Variants in MYCBPAP observed in about 807,000 individuals in gnomAD.
The protein encoded by MYCBPAP is MYCBP-associated protein.
Under a neutral mutation model 106.1 loss-of-function variants are expected in MYCBPAP, and 60 were observed. The ratio of observed to expected loss-of-function variants is 0.57; its 90% CI spans 0.46 to 0.70. MYCBPAP has a LOEUF of 0.70. Among genes scored for constraint, MYCBPAP ranks in the 30% least tolerant of loss-of-function variants. The probability of loss-of-function intolerance (pLI) is 0.00; values close to 1 mark genes in which losing one functional copy is unlikely to be tolerated. For missense variants in MYCBPAP, 1,064 were observed against 1,169.3 expected, an observed-to-expected ratio of 0.91 and a Z score of 1.31; for synonymous variants, 407 against 440.6, an observed-to-expected ratio of 0.92 and a Z score of 0.95.
chr17:50,515,473 G>A (rs988462374), intron 1 of MYCBPAP, among the ~76,000 whole-genome samples: 2 of 152,230 alleles, frequency 1.3e-5, no homozygotes, highest in African/African-American at 4.8e-5. Flanking sequence ...ACTTTAACCA[G>A]TGTCTTGTGA....
chr17:50,531,431 C>G lies in MYCBPAP; in HGVS notation c.*3C>G. On this transcript the variant is annotated 3_prime_UTR_variant, in exon 19 of 19. Transcript: ENST00000323776. ...AGGCTTTGCGCCTCTGCAGGTGACT[C>G]TCGGGCCCAAGCAACCTTCTGGAAA... 1 of 1,600,122 alleles carries G rather than the reference C, an allele frequency of 6.2e-7. No individual in the cohort carries two copies. Among genetic ancestry groups the G allele is most frequent in the Non-Finnish European group, 8.5e-7 (1 of 1,174,992 alleles).
chr17:50,516,564 C>T lies in MYCBPAP; in HGVS notation c.77-6C>T. 1.2e-6 allele frequency: 2 copies of T among 1,613,232 alleles called. No individual in the cohort carries two copies. Among genetic ancestry groups the T allele is most frequent in the South Asian group, 2.2e-5 (2 of 90,824 alleles). Reference sequence around the variant, plus strand: ...AAGGACTTAATAACTTTCTGCTTCTCTTCAGAAAAGAAGCGGGCAAAGGGA... The same window carrying T: ...AAGGACTTAATAACTTTCTGCTTCTTTTCAGAAAAGAAGCGGGCAAAGGGA... On this transcript the variant is annotated splice_region_variant and splice_polypyrimidine_tract_variant and intron_variant, in intron 1 of 18. Transcript: ENST00000323776.
intron 10 of MYCBPAP, chr17:50,522,709 A>ATATATATATATATATAT (rs1555620722): frequency 3.0e-4 from 15 of 50,042 alleles, no homozygotes; most frequent in African/African-American, 1.7e-3. Context: ...AAAAAAAAAA[A>ATATATATATATATATAT]ATATATATAT....
chr17:50,531,283 C>CTA (rs1258452344), intron 18 of MYCBPAP, 44 bp from the exon 19 acceptor site: 2 of 1,382,798 alleles, frequency 1.4e-6, no homozygotes, highest in East Asian at 4.7e-5. Flanking sequence ...ATAGGTGCTT[C>CTA]CCACAGAGTA....
intron 1 of MYCBPAP, among the ~76,000 whole-genome samples, chr17:50,512,053 CTT>C (rs774304337): frequency 9.1e-5 from 12 of 131,830 alleles, no homozygotes; most frequent in Non-Finnish European, 9.5e-5. Flanking sequence ...AGCAAGTTTT[CTT>C]TTTTTTTTTT....
Position 50,508,451 on chromosome 17 carries a change from G to T in MYCBPAP, c.-224G>T. The T allele has an allele frequency of 8.1e-7, 1 of 1,235,940 alleles. No individual in the cohort carries two copies. Among genetic ancestry groups the T allele is most frequent in the Non-Finnish European group, 1.1e-6 (1 of 899,142 alleles). The allele number at this position is 1,235,940 out of a possible 1,614,324, so 76.6% of individuals were successfully genotyped here. A position where few individuals can be genotyped will look rare whatever the true frequency, so the allele number is the denominator to read the frequency against. On this transcript the variant is annotated 5_prime_UTR_variant, in exon 1 of 19. Coordinates refer to ENST00000323776, the MANE Select transcript of MYCBPAP (RefSeq NM_032133.6). ...AGGCCGGGCCCGCAGGGCTTTCTAG[G>T]GGTCCGTCGCTCTTGAAGCCGCCGG...
At chr17:50,521,920 A>G in intron 9 of MYCBPAP, 53 bp from the exon 10 acceptor site, 1 of 1,547,436 alleles carries the variant, frequency 6.5e-7, no homozygotes, top group Non-Finnish European at 8.9e-7. Context: ...GGGGTTCCAC[A>G]TGGCATGACT....
chr17:50,510,497 GTGTATATATATATATATATATATATA>G lies in MYCBPAP; in HGVS notation c.76+1749_76+1774del, dbSNP rs1214163277. On this transcript the variant is annotated intron_variant, in intron 1 of 18. Transcript: ENST00000323776. ...TATGTGTGTGTGTGTGTGTGTGTGT[GTGTATATATATATATATATATATATA>G]TATATATATATATGTATTTTGAGAC... 8.9e-5 allele frequency: 8 copies of G among 89,506 alleles called. No individual in the cohort carries two copies. In the South Asian group the frequency reaches 1.1e-3, roughly 12 times the overall value. The allele number at this position is 89,506 out of a possible 1,614,324, so 5.5% of individuals were successfully genotyped here.
chr17:50,527,607 C>T (rs1173450425), intron 15 of MYCBPAP, among the ~76,000 whole-genome samples, 199 bp downstream of exon 15: 1 of 152,186 alleles, frequency 6.6e-6, no homozygotes, highest in African/African-American at 2.4e-5. Context: ...AGATCAAACA[C>T]CTTATCTTTT....
At chr17:50,524,145 A>C (rs903418702) in intron 12 of MYCBPAP, among the ~76,000 whole-genome samples, 4 of 152,200 alleles carry the variant, frequency 2.6e-5, no homozygotes, top group Non-Finnish European at 5.9e-5. Context: ...CATTTAAGCG[A>C]CAAGACTTCA....
rs914409018 is a variant in MYCBPAP, at chr17:50,519,682, G to A, written c.811G>A (p.Gly271Arg). Residue 271 changes from glycine to arginine, a missense_variant, in exon 7 of 19, where the codon GGA (glycine) becomes AGA (arginine). Coordinates refer to ENST00000323776, the MANE Select transcript of MYCBPAP (RefSeq NM_032133.6). The stretch of plus-strand genomic sequence containing the variant: ...GTTCTGGAGTCGACTGGAATACTTG[G>A]GAGATGAGATGACAGGTCTGGTCAT... ...SGFWSRLEYL[G>R]DEMTGLVMTK... is the part of the protein sequence containing the mutation. The A allele has an allele frequency of 5.6e-6, 9 of 1,614,154 alleles. No individual in the cohort carries two copies. The highest frequency in any genetic ancestry group is 2.2e-5 in the South Asian group (2 of 91,082).
intron 13 of MYCBPAP, among the ~76,000 whole-genome samples, chr17:50,525,583 C>T (rs1303633489): frequency 6.6e-6 from 1 of 151,986 alleles, no homozygotes; most frequent in Admixed American, 6.6e-5. Context: ...AACTCCCCGG[C>T]TCAGGTGATC....
intron 13 of MYCBPAP, among the ~76,000 whole-genome samples, chr17:50,525,599 A>T (rs1414156117): frequency 1.4e-5 from 2 of 148,054 alleles, no homozygotes; most frequent in East Asian, 4.0e-4. Context: ...TGATCCTCCC[A>T]CCTCAGCCTC....
At chr17:50,521,924 C>T in intron 9 of MYCBPAP, 49 bp from the exon 10 acceptor site, 1 of 1,557,506 alleles carries the variant, frequency 6.4e-7, no homozygotes. Context: ...TTCCACATGG[C>T]ATGACTGTGG....
At chr17:50,508,052 C>A (rs181419224), upstream of MYCBPAP, among the ~76,000 whole-genome samples, 1 of 152,168 alleles carries the variant, frequency 6.6e-6, no homozygotes, top group Non-Finnish European at 1.5e-5. Context: ...GGTCTCCAGG[C>A]GCGTTGGTGC....
At chr17:50,522,268 T>A in intron 10 of MYCBPAP, 187 bp downstream of exon 10, 1 of 519,598 alleles carries the variant, frequency 1.9e-6, no homozygotes, top group Non-Finnish European at 3.5e-6. Flanking sequence ...AGGCTGCGAG[T>A]GTCATAAGCC....
At chr17:50,530,027 G>T (rs2034584165) in intron 18 of MYCBPAP, 3 of 367,500 alleles carry the variant, frequency 8.2e-6, no homozygotes, top group Non-Finnish European at 1.6e-5. Flanking sequence ...GGGGAGCTGG[G>T]ATTACATCAT....
intron 1 of MYCBPAP, chr17:50,509,323 C>G: frequency 1.7e-5 from 10 of 597,470 alleles, no homozygotes; most frequent in Non-Finnish European, 1.2e-5. Flanking sequence ...CTGGATGACA[C>G]TTATCCAGCT....
At position 50,523,630 on chromosome 17, in the gene MYCBPAP, C is replaced by G; in HGVS notation, c.1481C>G (p.Thr494Ser). 1 of 1,614,184 alleles carries G rather than the reference C, an allele frequency of 6.2e-7. No homozygotes were observed. Among genetic ancestry groups the G allele is most frequent in the Non-Finnish European group, 8.5e-7 (1 of 1,180,042 alleles). ...CTGCCTGGAGAAATTAAAACATTTACCTTCTTCTTCAAGTCTTTGACTGCT... is the reference window on the plus strand; with the variant it reads ...CTGCCTGGAGAAATTAAAACATTTAGCTTCTTCTTCAAGTCTTTGACTGCT... ...VILPGEIKTF[T>S]FFFKSLTAGV... Residue 494 changes from threonine to serine, a missense_variant, in exon 12 of 19, where the codon ACC becomes AGC. Transcript: ENST00000323776.
Sources: allele counts gnomAD v4.1 joint callset (sites outside exome capture counted in the v4.1 genomes callset), GRCh38; gene constraint gnomAD v4.1.1; transcripts MANE v1.5; gene names NCBI Gene and HGNC (gene_info 2026-07-23, HGNC 2026-07-21).